The following NFIB variants were observed in gnomAD, a reference collection of about 807,000 sequenced individuals.
NFIB encodes the protein nuclear factor 1 B-type.
In NFIB, 11 loss-of-function variants were observed where a neutral mutation model predicts 61.5. The observed-to-expected ratio is 0.18, with a 90% confidence interval of 0.11 to 0.30. NFIB has a LOEUF of 0.30. Among genes scored for constraint, NFIB ranks in the 10% least tolerant of loss-of-function variants. The pLI is 1.00. For synonymous variants in NFIB, 260 were observed against 216.5 expected (o/e 1.20, Z -1.76); for missense variants, 471 against 608.9 (o/e 0.77, Z 2.38).
chr9:14,427,785 A>C, the NFIB span, among the ~76,000 whole-genome samples: 1 of 151,922 alleles, frequency 6.6e-6, no homozygotes. Flanking sequence ...TCGGTGGCAC[A>C]CTTAGCAGCT....
exon 1 of NFIB, chr9:14,398,635 C>G: frequency 1.3e-6 from 2 of 1,523,788 alleles, no homozygotes; most frequent in African/African-American, 1.4e-5. Flanking sequence ...TTTCCATACT[C>G]CGAACGGATT....
the NFIB span, among the ~76,000 whole-genome samples, chr9:14,457,578 G>T: frequency 1.3e-4 from 19 of 148,208 alleles, no homozygotes; most frequent in East Asian, 2.8e-3. Context: ...CCAGGAGCTG[G>T]TTTTTTTTTT....
chr9:14,255,932 A>G (rs1314366224), intron 2 of NFIB, among the ~76,000 whole-genome samples: 1 of 152,240 alleles, frequency 6.6e-6, no homozygotes, highest in Non-Finnish European at 1.5e-5. Context: ...ATGCTAGCAT[A>G]GTATTAGTGA....
At chr9:14,091,620 A>G (rs2033919097) in intron 10 of NFIB, among the ~76,000 whole-genome samples, 1 of 152,106 alleles carries the variant, frequency 6.6e-6, no homozygotes, top group Non-Finnish European at 1.5e-5. Context: ...AAATTCAGCT[A>G]CTTCAGCAAT....
At chr9:14,132,107 C>T (rs548354326) in intron 6 of NFIB, among the ~76,000 whole-genome samples, 6 of 152,206 alleles carry the variant, frequency 3.9e-5, no homozygotes, top group Admixed American at 1.3e-4. Flanking sequence ...TGTAAGAACA[C>T]GCAAGAATTC....
chr9:14,234,352 T>C (rs1161607032), intron 2 of NFIB, among the ~76,000 whole-genome samples: 2 of 149,920 alleles, frequency 1.3e-5, no homozygotes, highest in Non-Finnish European at 2.9e-5. Flanking sequence ...AGAGGAGGCA[T>C]GTAGGTATAT....
intron 2 of NFIB, among the ~76,000 whole-genome samples, chr9:14,231,095 C>A (rs1467159878): frequency 7.8e-6 from 1 of 127,836 alleles, no homozygotes; most frequent in Non-Finnish European, 1.6e-5. Flanking sequence ...ATATCTGAGT[C>A]CTTGGCCTAC....
chr9:14,126,765 T>C (rs35870361), intron 6 of NFIB, among the ~76,000 whole-genome samples: 79,778 of 151,986 alleles, frequency 0.52, 23,905 homozygotes, highest in African/African-American at 0.81. Context: ...TTAAAACAAT[T>C]CCCCCAGAAA....
chr9:14,281,831 A>G lies in NFIB; in HGVS notation c.562+25158T>C, dbSNP rs139853019. Among the ~76,000 whole-genome samples the G allele has an allele frequency of 2.6e-3, 392 of 151,952 alleles. 1 individual carries two copies. Among genetic ancestry groups the G allele is most frequent in the African/African-American group, 9.1e-3 (377 of 41,300 alleles). ...CACACGTTCACATGCACACACACAC[A>G]CGTGCACACCCCACACGTGTTTTTT... is the stretch of plus-strand genomic sequence containing the variant. On this transcript the variant is annotated intron_variant, in intron 2 of 10. Transcript: ENST00000380953.
chr9:14,242,817 G>A (rs2054495753), intron 2 of NFIB, among the ~76,000 whole-genome samples: 2 of 152,108 alleles, frequency 1.3e-5, no homozygotes, highest in African/African-American at 2.4e-5. Flanking sequence ...AAACCAAGAT[G>A]GAGAGAAAAG....
intron 1 of NFIB, among the ~76,000 whole-genome samples, chr9:14,374,057 G>A (rs890276052): frequency 6.6e-6 from 1 of 152,178 alleles, no homozygotes; most frequent in Non-Finnish European, 1.5e-5. Context: ...CACTGAAAGA[G>A]CCCTGTTCAA....
rs73411951 is a variant in NFIB, at chr9:14,154,809, G to A, written c.685+1016C>T. Reference sequence around the variant, plus strand: ...AAATGTGAGCTATTTGAGGAACTACGGTTCAAAAGACAGTCAGTGATAGCG... The same window carrying A: ...AAATGTGAGCTATTTGAGGAACTACAGTTCAAAAGACAGTCAGTGATAGCG... On this transcript the variant is annotated intron_variant, in intron 4 of 10. Transcript: ENST00000380953. 2.1e-3 allele frequency among the ~76,000 whole-genome samples: 325 copies of A among 152,228 alleles called. 1 individual carries two copies. The highest frequency in any genetic ancestry group is 7.4e-3 in the African/African-American group (308 of 41,558).
intron 2 of NFIB, among the ~76,000 whole-genome samples, chr9:14,181,811 T>C (rs1477181253): frequency 6.6e-6 from 1 of 152,230 alleles, no homozygotes; most frequent in African/African-American, 2.4e-5. Context: ...GGTCTAGACA[T>C]GCACCCCTCA....
chr9:14,514,460 C>G, the NFIB span, among the ~76,000 whole-genome samples: 1 of 152,010 alleles, frequency 6.6e-6, no homozygotes, highest in Admixed American at 6.6e-5. Context: ...AAAGATATTC[C>G]TAGTATTCAT....
chr9:14,117,038 T>C (rs1416800645), intron 8 of NFIB, among the ~76,000 whole-genome samples: 1 of 152,228 alleles, frequency 6.6e-6, no homozygotes, highest in African/African-American at 2.4e-5. Flanking sequence ...TCAGAGGTCA[T>C]ACAATGATAT....
At chr9:14,437,932 A>G in the NFIB span, among the ~76,000 whole-genome samples, 1 of 152,148 alleles carries the variant, frequency 6.6e-6, no homozygotes, top group African/African-American at 2.4e-5. Flanking sequence ...CCCCCCTGCA[A>G]TGAAGAATCC....
chr9:14,094,275 T>C (rs1384224424), intron 10 of NFIB: 4 of 152,144 alleles, frequency 2.6e-5, no homozygotes, highest in Non-Finnish European at 4.4e-5. Context: ...TTGAGGTTCA[T>C]ATCACAATGA....
chr9:14,094,969 T>C (rs561905842), intron 10 of NFIB, among the ~76,000 whole-genome samples: 31 of 152,174 alleles, frequency 2.0e-4, no homozygotes, highest in African/African-American at 7.2e-4. Context: ...AGTAAAATAA[T>C]AGCATCTACC....
the NFIB span, among the ~76,000 whole-genome samples, chr9:14,497,646 G>T: frequency 6.6e-6 from 1 of 152,186 alleles, no homozygotes; most frequent in Admixed American, 6.5e-5. Context: ...TAATGAGTCT[G>T]ATTCATCTTC....
Sources: allele counts gnomAD v4.1 joint callset (sites outside exome capture counted in the v4.1 genomes callset), GRCh38; gene constraint gnomAD v4.1.1; transcripts MANE v1.5; gene names NCBI Gene and HGNC (gene_info 2026-07-23, HGNC 2026-07-21).